Variants in NFIB observed in about 807,000 individuals in gnomAD.
NFIB encodes the protein nuclear factor I B.
In NFIB, 11 loss-of-function variants were observed where a neutral mutation model predicts 61.5. That is an observed-to-expected ratio of 0.18 (90% CI 0.11 to 0.30). The LOEUF is 0.30. NFIB is among the 10% of genes least tolerant of loss of function. The pLI is 1.00. For missense variants in NFIB, 471 were observed against 608.9 expected, an observed-to-expected ratio of 0.77 and a Z score of 2.38; for synonymous variants, 260 against 216.5, an observed-to-expected ratio of 1.20 and a Z score of -1.76.
At chr9:14,166,862 T>C (rs1443339123) in intron 3 of NFIB, among the ~76,000 whole-genome samples, 3 of 152,278 alleles carry the variant, frequency 2.0e-5, no homozygotes, top group African/African-American at 2.4e-5. Flanking sequence ...AGCAATTTAG[T>C]TTTTCTTGAT....
intron 3 of NFIB, among the ~76,000 whole-genome samples, chr9:14,168,020 A>G (rs904691692): frequency 6.6e-6 from 1 of 152,334 alleles, no homozygotes; most frequent in East Asian, 1.9e-4. Context: ...AGTATGCTAC[A>G]TAAGATGAGG....
At chr9:14,464,306 T>A in the NFIB span, among the ~76,000 whole-genome samples, 4 of 152,188 alleles carry the variant, frequency 2.6e-5, no homozygotes, top group Admixed American at 1.3e-4. Context: ...ATCGTGCAGG[T>A]AATGAAGGAG....
intron 10 of NFIB, chr9:14,102,364 C>T: frequency 7.0e-7 from 1 of 1,428,322 alleles, no homozygotes; most frequent in Non-Finnish European, 9.6e-7. Context: ...AAAACAAACA[C>T]TATAGCTCAT....
chr9:14,327,170 A>G (rs2060764863), intron 1 of NFIB, among the ~76,000 whole-genome samples: 1 of 152,178 alleles, frequency 6.6e-6, no homozygotes, highest in Non-Finnish European at 1.5e-5. Context: ...AGGCAACAGG[A>G]TGCACGAAAG....
At chr9:14,312,880 A>C (rs1488614544) in intron 1 of NFIB, among the ~76,000 whole-genome samples, 1 of 152,152 alleles carries the variant, frequency 6.6e-6, no homozygotes, top group Non-Finnish European at 1.5e-5. Context: ...TGCGGTCACT[A>C]GAAACCCCAA....
chr9:14,295,813 T>C (rs982392186), intron 2 of NFIB, among the ~76,000 whole-genome samples: 2 of 152,194 alleles, frequency 1.3e-5, no homozygotes, highest in African/African-American at 2.4e-5. Flanking sequence ...GAGTACTTGA[T>C]AGGACACCCT....
rs578132680 is a variant in NFIB at position 14,382,108 on chromosome 9, G to A, written c.108+16416C>T. On this transcript the variant is annotated intron_variant, in intron 1 of 8. Transcript: ENST00000380934. ...CCATTAAAATCTAAGGTCCCTGAGG[G>A]CAGACAAAAAGGCAACTGGCCTCTA... 3.3e-5 allele frequency among the ~76,000 whole-genome samples: 5 copies of A among 152,262 alleles called. No individual in the cohort carries two copies. In the South Asian group the frequency reaches 8.3e-4, roughly 25 times the overall value.
chr9:14,358,863 C>CCTT (rs1258131773), intron 1 of NFIB, among the ~76,000 whole-genome samples: 1 of 152,172 alleles, frequency 6.6e-6, no homozygotes, highest in East Asian at 1.9e-4. Flanking sequence ...AAGTTCACAA[C>CCTT]CTTATAATTA....
chr9:14,459,297 G>A, the NFIB span, among the ~76,000 whole-genome samples: 54,222 of 152,030 alleles, frequency 0.36, 10,567 homozygotes, highest in Admixed American at 0.49. Context: ...ATGGTGCTGG[G>A]AAAACTGGCT....
upstream of NFIB, among the ~76,000 whole-genome samples, chr9:14,316,649 T>G (rs998349677): frequency 2.0e-5 from 3 of 152,196 alleles, no homozygotes; most frequent in African/African-American, 7.2e-5. Flanking sequence ...CTCAGAAATT[T>G]TAGGCAACCT....
chr9:14,435,842 G>A, the NFIB span, among the ~76,000 whole-genome samples: 16 of 152,148 alleles, frequency 1.1e-4, no homozygotes, highest in African/African-American at 3.9e-4. Context: ...GGCTTCTTCT[G>A]GACTCTTCCG....
chr9:14,509,392 A>G, the NFIB span, among the ~76,000 whole-genome samples: 294 of 152,320 alleles, frequency 1.9e-3, 3 homozygotes, highest in African/African-American at 6.8e-3. Context: ...CTGTCAGTGA[A>G]AACCATACCA....
rs2060420458 is a variant in NFIB at position 14,314,036 on chromosome 9, G to A, written c.-525C>T. The A allele has an allele frequency of 2.8e-6, 3 of 1,071,424 alleles. No individual in the cohort carries two copies. Among genetic ancestry groups the A allele is most frequent in the Non-Finnish European group, 3.4e-6 (3 of 884,016 alleles). 66.4% of individuals were successfully genotyped at this position (1,071,424 alleles called of 1,614,324 possible). ...GTGTCACCGCGCTGGGAAAGTTCAA[G>A]GTTACAGCCCCAAGCACTGCGGCAG... On this transcript the variant is annotated 5_prime_UTR_variant, in exon 1 of 11. Coordinates refer to ENST00000380953, the MANE Select transcript of NFIB (RefSeq NM_001190737.2).
At chr9:14,193,117 A>C (rs1277086928) in intron 2 of NFIB, among the ~76,000 whole-genome samples, 4 of 151,338 alleles carry the variant, frequency 2.6e-5, no homozygotes, top group South Asian at 2.1e-4. Flanking sequence ...GATACATAAA[A>C]ATAATCAAGT....
chr9:14,221,288 A>G (rs2051638724), intron 2 of NFIB, among the ~76,000 whole-genome samples: 1 of 152,218 alleles, frequency 6.6e-6, no homozygotes, highest in Admixed American at 6.5e-5. Flanking sequence ...CTAAGATGCC[A>G]TACTGATTAA....
chr9:14,114,372 TTTTTC>T (rs1200631524), intron 9 of NFIB, among the ~76,000 whole-genome samples: 1 of 152,158 alleles, frequency 6.6e-6, no homozygotes, highest in Non-Finnish European at 1.5e-5. Flanking sequence ...TCTATGCTGC[TTTTTC>T]TTTTCAACTA....
chr9:14,508,353 C>T, the NFIB span, among the ~76,000 whole-genome samples: 1 of 152,092 alleles, frequency 6.6e-6, no homozygotes, highest in Non-Finnish European at 1.5e-5. Flanking sequence ...TTCATTTCTG[C>T]CGGAAACCGC....
At chr9:14,430,098 AC>A in the NFIB span, among the ~76,000 whole-genome samples, 1 of 152,216 alleles carries the variant, frequency 6.6e-6, no homozygotes, top group African/African-American at 2.4e-5. Flanking sequence ...TAAGAAGATA[AC>A]TCTGACCCAC....
At chr9:14,232,701 A>C (rs2131955117) in intron 2 of NFIB, among the ~76,000 whole-genome samples, 1 of 152,342 alleles carries the variant, frequency 6.6e-6, no homozygotes, top group East Asian at 1.9e-4. Context: ...TCAAATGAGA[A>C]ATTTAAGGAG....
Sources: allele counts gnomAD v4.1 joint callset (sites outside exome capture counted in the v4.1 genomes callset), GRCh38; gene constraint gnomAD v4.1.1; transcripts MANE v1.5; gene names NCBI Gene and HGNC (gene_info 2026-07-23, HGNC 2026-07-21).